AAK1: variants seen among roughly 807,000 people sequenced by gnomAD.
The protein encoded by AAK1 is AP2 associated kinase 1.
Under a neutral mutation model 116.0 loss-of-function variants are expected in AAK1, and 37 were observed. That is an observed-to-expected ratio of 0.32 (90% CI 0.25 to 0.42). The LOEUF is 0.42. Among genes scored for constraint, AAK1 ranks in the 10% least tolerant of loss-of-function variants. The pLI is 1.00. For missense variants in AAK1, 919 were observed against 1,170.6 expected, an observed-to-expected ratio of 0.79 and a Z score of 3.14; for synonymous variants, 458 against 439.9, an observed-to-expected ratio of 1.04 and a Z score of -0.51.
chr2:69,496,883 C>A (rs1020932192), intron 16 of AAK1, among the ~76,000 whole-genome samples: 1 of 152,160 alleles, frequency 6.6e-6, no homozygotes, highest in African/African-American at 2.4e-5. Context: ...CAGAAATAGA[C>A]TTCTTGCCTA....
intron 20 of AAK1, 176 bp downstream of exon 20, chr2:69,478,775 T>G: frequency 1.8e-6 from 1 of 556,402 alleles, no homozygotes; most frequent in Non-Finnish European, 3.2e-6. Context: ...TCTTAGTAAA[T>G]ATTCTCACTG....
chr2:69,544,333 C>T, intron 4 of AAK1, 103 bp downstream of exon 4: 4 of 837,814 alleles, frequency 4.8e-6, no homozygotes, highest in Non-Finnish European at 5.8e-6. Flanking sequence ...CAAACCAGAA[C>T]ATATCATAGA....
At chr2:69,609,098 A>T (rs565278607) in intron 2 of AAK1, among the ~76,000 whole-genome samples, 1 of 152,382 alleles carries the variant, frequency 6.6e-6, no homozygotes, top group East Asian at 1.9e-4. Context: ...ACAGTGGCTC[A>T]TACCTGTAAT....
At chr2:69,480,148 T>C (rs1297636167) in intron 19 of AAK1, among the ~76,000 whole-genome samples, 1 of 152,056 alleles carries the variant, frequency 6.6e-6, no homozygotes, top group Non-Finnish European at 1.5e-5. Flanking sequence ...TCATAATGTC[T>C]TTGGAGGTAA....
At chr2:69,617,794 A>G (rs1011911341) in intron 2 of AAK1, among the ~76,000 whole-genome samples, 1 of 152,228 alleles carries the variant, frequency 6.6e-6, no homozygotes, top group Non-Finnish European at 1.5e-5. Context: ...AGGAGTATAG[A>G]AGAGGCCACA....
At chr2:69,568,151 A>G (rs961292705) in intron 2 of AAK1, among the ~76,000 whole-genome samples, 2 of 152,200 alleles carry the variant, frequency 1.3e-5, no homozygotes, top group East Asian at 1.9e-4. Flanking sequence ...CCAGGACACC[A>G]TATGTTAGTG....
intron 2 of AAK1, among the ~76,000 whole-genome samples, chr2:69,638,989 T>C (rs1559024420): frequency 1.3e-5 from 2 of 152,186 alleles, no homozygotes; most frequent in East Asian, 1.9e-4. Context: ...ACCACCAACA[T>C]ATTATGTGCC....
Position 69,469,102 on chromosome 2 carries a change from G to C in AAK1, c.*6767C>G. On this transcript the variant is annotated 3_prime_UTR_variant, in exon 22 of 22. Coordinates refer to ENST00000409085, the MANE Select transcript of AAK1 (RefSeq NM_014911.5). ...CAACAGGCTTTGTAGGAATGGAAAA[G>C]TACATTTAAAGGGTTGTCCTGAGAA... The C allele has an allele frequency of 4.1e-6, 4 of 985,452 alleles. No homozygotes were observed. The highest frequency in any genetic ancestry group is 4.8e-6 in the Non-Finnish European group (4 of 829,942). The allele number at this position is 985,452 out of a possible 1,614,324, so 61.0% of individuals were successfully genotyped here.
At chr2:69,593,714 C>T (rs190123475) in intron 2 of AAK1, among the ~76,000 whole-genome samples, 16 of 152,306 alleles carry the variant, frequency 1.1e-4, no homozygotes, top group African/African-American at 3.4e-4. Context: ...CTACTATTTA[C>T]ATCTCAGTGC....
intron 2 of AAK1, among the ~76,000 whole-genome samples, chr2:69,573,548 AG>A (rs1288560179): frequency 2.0e-5 from 3 of 152,238 alleles, no homozygotes; most frequent in Non-Finnish European, 4.4e-5. Flanking sequence ...AGTCTCAGTG[AG>A]GCAGAAAGAC....
At chr2:69,526,614 G>A (rs1486559127) in intron 9 of AAK1, among the ~76,000 whole-genome samples, 1 of 152,130 alleles carries the variant, frequency 6.6e-6, no homozygotes, top group Non-Finnish European at 1.5e-5. Context: ...AGCCGTACTA[G>A]CAACATTTGA....
chr2:69,566,247 T>C (rs1671861439), intron 2 of AAK1, among the ~76,000 whole-genome samples: 1 of 152,114 alleles, frequency 6.6e-6, no homozygotes, highest in Non-Finnish European at 1.5e-5. Flanking sequence ...CTAGAACAGA[T>C]GGCAAGGAGC....
chr2:69,504,397 C>CAAAAAAAAAAA (rs57214954), intron 16 of AAK1, among the ~76,000 whole-genome samples: 1 of 57,776 alleles, frequency 1.7e-5, no homozygotes, highest in African/African-American at 6.9e-5. Context: ...GACTCCATCT[C>CAAAAAAAAAAA]AAAAAAAAAA....
chr2:69,605,546 T>A (rs1241764380), intron 2 of AAK1, among the ~76,000 whole-genome samples: 1 of 152,170 alleles, frequency 6.6e-6, no homozygotes, highest in Non-Finnish European at 1.5e-5. Flanking sequence ...GACATAACTA[T>A]GGTACAACGT....
intron 2 of AAK1, among the ~76,000 whole-genome samples, chr2:69,627,286 C>G (rs1476717508): frequency 7.0e-6 from 1 of 142,754 alleles, no homozygotes; most frequent in African/African-American, 2.7e-5. Flanking sequence ...GAGACTCTGT[C>G]TCAAAAAGAG....
At chr2:69,578,667 T>C (rs1672416523) in intron 2 of AAK1, among the ~76,000 whole-genome samples, 1 of 152,134 alleles carries the variant, frequency 6.6e-6, no homozygotes. Context: ...TGGCTTCCCC[T>C]CCTGTCTCTA....
chr2:69,523,981 C>G (rs1669903590), intron 10 of AAK1, among the ~76,000 whole-genome samples: 1 of 152,246 alleles, frequency 6.6e-6, no homozygotes, highest in Admixed American at 6.5e-5. Flanking sequence ...CTGGCTCCCT[C>G]CCTGTTTTCC....
At chr2:69,482,634 G>T (rs746755097) in intron 18 of AAK1, 77 bp downstream of exon 18, 2 of 1,217,526 alleles carry the variant, frequency 1.6e-6, no homozygotes, top group Non-Finnish European at 1.2e-6. Context: ...CCAGGGATTG[G>T]TTAACTAGGT....
chr2:69,531,975 A>G, intron 6 of AAK1, 66 bp downstream of exon 6: 1 of 1,595,198 alleles, frequency 6.3e-7, no homozygotes. Context: ...CTTCTCATCC[A>G]TAAGCTGAAG....
Sources: gnomAD v4.1 joint callset for allele counts (sites outside exome capture counted in the v4.1 genomes callset) on GRCh38, gnomAD v4.1.1 for gene constraint, MANE v1.5 for transcripts, NCBI Gene and HGNC (gene_info 2026-07-23, HGNC 2026-07-21) for gene names.